JAK1: variants seen among roughly 807,000 people sequenced by gnomAD.
JAK1 encodes tyrosine-protein kinase JAK1.
JAK1 carries 16 observed loss-of-function variants against 136.6 expected under a neutral mutation model. The ratio of observed to expected loss-of-function variants is 0.12; its 90% CI spans 0.08 to 0.18. The LOEUF (loss-of-function observed/expected upper bound fraction) is 0.18, where lower values mean the gene tolerates loss of function less well. Among genes scored for constraint, JAK1 ranks in the 10% least tolerant of loss-of-function variants. The pLI, the probability that JAK1 is intolerant of heterozygous loss-of-function variation, is 1.00. For missense variants in JAK1, 859 were observed against 1,450.1 expected, an observed-to-expected ratio of 0.59 and a Z score of 6.62; for synonymous variants, 492 against 519.5, an observed-to-expected ratio of 0.95 and a Z score of 0.72.
chr1:64,998,646 C>A (rs984771756), intron 2 of JAK1, among the ~76,000 whole-genome samples: 3 of 152,122 alleles, frequency 2.0e-5, no homozygotes, highest in South Asian at 2.1e-4. Flanking sequence ...TGGGAGGAAC[C>A]CAGTGATAAT....
intron 1 of JAK1, among the ~76,000 whole-genome samples, chr1:64,902,226 G>A (rs995763144): frequency 1.3e-5 from 2 of 152,076 alleles, no homozygotes; most frequent in African/African-American, 4.8e-5. Flanking sequence ...AACAAAACCA[G>A]AACTGATGTG....
chr1:65,028,947 C>T (rs1249718251), intron 2 of JAK1, among the ~76,000 whole-genome samples: 2 of 152,028 alleles, frequency 1.3e-5, no homozygotes, highest in African/African-American at 2.4e-5. Context: ...AATTAGCTCA[C>T]CATTTGATAG....
intron 1 of JAK1, among the ~76,000 whole-genome samples, chr1:64,948,612 A>G (rs1402113081): frequency 6.6e-6 from 1 of 152,244 alleles, no homozygotes; most frequent in African/African-American, 2.4e-5. Context: ...CATGAGATCC[A>G]TGTTCTGAAA....
At chr1:65,019,797 T>TC (rs1646921567) in intron 2 of JAK1, among the ~76,000 whole-genome samples, 1 of 151,788 alleles carries the variant, frequency 6.6e-6, no homozygotes, top group South Asian at 2.1e-4. Context: ...GCACCTGTAA[T>TC]CCCATCTACT....
At chr1:64,845,771 A>G in intron 14 of JAK1, 131 bp from the exon 15 acceptor site, 3 of 1,099,154 alleles carry the variant, frequency 2.7e-6, no homozygotes, top group Non-Finnish European at 4.0e-6. Flanking sequence ...GGGGGGTGCA[A>G]TGGTGCAGGG....
chr1:64,869,744 T>C (rs1016201812), intron 5 of JAK1, among the ~76,000 whole-genome samples: 2 of 152,200 alleles, frequency 1.3e-5, no homozygotes, highest in Non-Finnish European at 2.9e-5. Context: ...CCCTTCGCCA[T>C]AGAAGTGACG....
At chr1:64,965,155 A>G (rs560856225) in intron 1 of JAK1, among the ~76,000 whole-genome samples, 1 of 152,340 alleles carries the variant, frequency 6.6e-6, no homozygotes, top group Non-Finnish European at 1.5e-5. Context: ...CCTGATTTAC[A>G]TCTCTCTCTG....
rs145174573 is a variant in JAK1, at chr1:64,855,637, T to C, written c.1520A>G (p.Tyr507Cys). Residue 507 changes from tyrosine to cysteine, a missense_variant, in exon 11 of 25, where the codon TAC (tyrosine) becomes TGC (cysteine). Physicochemically the swap from Tyr to Cys is radical, Grantham distance 194. Coordinates refer to ENST00000342505, the MANE Select transcript of JAK1 (RefSeq NM_002227.4). ...NFQIEVQKGR[Y>C]SLHGSDRSFP... ...GCTGCGGTCCGAACCGTGCAGACTGTAGCGGCCCTTCTGCACCTCGATCTG... is the reference window on the plus strand; with the variant it reads ...GCTGCGGTCCGAACCGTGCAGACTGCAGCGGCCCTTCTGCACCTCGATCTG... The C allele has an allele frequency of 6.2e-7, 1 of 1,614,162 alleles. No homozygotes were observed. The highest frequency in any genetic ancestry group is 2.2e-5 in the East Asian group (1 of 44,888).
intron 1 of JAK1, among the ~76,000 whole-genome samples, chr1:64,906,795 G>C (rs1014324909): frequency 6.6e-6 from 1 of 152,168 alleles, no homozygotes; most frequent in African/African-American, 2.4e-5. Flanking sequence ...GCCAGGTCTT[G>C]AACCCAGATC....
At chr1:64,876,915 A>G (rs1276435140) in intron 4 of JAK1, among the ~76,000 whole-genome samples, 1 of 152,250 alleles carries the variant, frequency 6.6e-6, no homozygotes, top group Non-Finnish European at 1.5e-5. Flanking sequence ...TTATATGCAG[A>G]TATTATACAC....
intron 2 of JAK1, among the ~76,000 whole-genome samples, chr1:65,007,979 A>G (rs1457787536): frequency 6.6e-6 from 1 of 152,202 alleles, no homozygotes; most frequent in Non-Finnish European, 1.5e-5. Context: ...TCCTGACCTC[A>G]GGTGATCCGC....
chr1:64,969,111 TAAAA>T (rs556278912), upstream of JAK1, among the ~76,000 whole-genome samples: 1 of 143,424 alleles, frequency 7.0e-6, no homozygotes, highest in Non-Finnish European at 1.5e-5. Flanking sequence ...CCCCTTCTCT[TAAAA>T]AAAAAAAATA....
intron 2 of JAK1, chr1:64,990,548 T>C (rs1646645234): frequency 6.6e-6 from 1 of 151,744 alleles, no homozygotes; most frequent in Non-Finnish European, 1.5e-5. Context: ...AATATACTAT[T>C]CAAAAGTCCA....
At chr1:64,935,243 T>C (rs1002824390) in intron 1 of JAK1, among the ~76,000 whole-genome samples, 1 of 152,228 alleles carries the variant, frequency 6.6e-6, no homozygotes, top group Non-Finnish European at 1.5e-5. Flanking sequence ...GAAATATTTC[T>C]GACCCTTTCC....
intron 1 of JAK1, among the ~76,000 whole-genome samples, chr1:64,913,141 C>T (rs185794633): frequency 2.3e-3 from 345 of 152,308 alleles, no homozygotes; most frequent in African/African-American, 4.4e-3. Flanking sequence ...CCCACCTCAA[C>T]GTCCAGAATA....
chr1:64,917,503 C>A (rs1366132772), intron 1 of JAK1, among the ~76,000 whole-genome samples: 1 of 152,146 alleles, frequency 6.6e-6, no homozygotes, highest in Non-Finnish European at 1.5e-5. Context: ...CAGAGGATGA[C>A]CAATCCCCAT....
intron 11 of JAK1, among the ~76,000 whole-genome samples, chr1:64,853,867 TA>T (rs1484954442): frequency 6.6e-6 from 1 of 152,128 alleles, no homozygotes; most frequent in African/African-American, 2.4e-5. Context: ...GGTCCTGTCT[TA>T]AGAGTTCACA....
chr1:65,000,227 T>C (rs1646742156), intron 2 of JAK1, among the ~76,000 whole-genome samples: 1 of 152,116 alleles, frequency 6.6e-6, no homozygotes, highest in Non-Finnish European at 1.5e-5. Context: ...GACCTCATGA[T>C]CCGCCCGCCT....
At chr1:64,981,642 G>A (rs1172013772) in intron 2 of JAK1, among the ~76,000 whole-genome samples, 1 of 152,196 alleles carries the variant, frequency 6.6e-6, no homozygotes, top group East Asian at 1.9e-4. Context: ...GGCTGGAGAT[G>A]TCCACTCAAA....
Sources: allele counts gnomAD v4.1 joint callset (sites outside exome capture counted in the v4.1 genomes callset), GRCh38; gene constraint gnomAD v4.1.1; transcripts MANE v1.5; gene names NCBI Gene and HGNC (gene_info 2026-07-23, HGNC 2026-07-21).